Variants in JAKMIP2 observed in about 807,000 individuals in gnomAD.
JAKMIP2 encodes the protein janus kinase and microtubule-interacting protein 2.
In JAKMIP2, 25 loss-of-function variants were observed where a neutral mutation model predicts 115.0. The observed-to-expected ratio is 0.22, with a 90% CI of 0.16 to 0.30. The LOEUF (loss-of-function observed/expected upper bound fraction) is 0.30, where lower values mean the gene tolerates loss of function less well. Among genes scored for constraint, JAKMIP2 ranks in the 10% least tolerant of loss-of-function variants. The pLI is 1.00. For missense variants in JAKMIP2, 642 were observed against 957.6 expected (o/e 0.67, Z 4.35); for synonymous variants, 334 against 343.6 (o/e 0.97, Z 0.31).
chr5:147,650,994 G>A (rs147406799), intron 3 of JAKMIP2, among the ~76,000 whole-genome samples: 46 of 152,176 alleles, frequency 3.0e-4, no homozygotes, highest in African/African-American at 1.1e-3. Context: ...TTAGTAGCTG[G>A]TCATTTGTAA....
rs1754883827 is a variant in JAKMIP2, at chr5:147,586,706, CTATAAG to C, written c.*4995_*5000del. The C allele has an allele frequency of 3.3e-5, 5 of 151,792 alleles. No individual in the cohort carries two copies. The highest frequency in any genetic ancestry group is 2.1e-4 in the South Asian group (1 of 4,812). 9.4% of individuals were successfully genotyped at this position (151,792 alleles called of 1,614,324 possible). On this transcript the variant is annotated 3_prime_UTR_variant, in exon 22 of 22. Transcript: ENST00000616793. ...TAATCCTATTTTTGCTACATTGCCC[CTATAAG>C]TATATCTTTAGTAGTTTTTTTCCTC...
intron 16 of JAKMIP2, 135 bp from the exon 17 acceptor site, chr5:147,623,824 C>CT (rs1162333429): frequency 3.7e-6 from 2 of 538,648 alleles, no homozygotes; most frequent in African/African-American, 2.0e-5. Flanking sequence ...AAAACAACAC[C>CT]TTTTTTTGCT....
chr5:147,648,295 G>T (rs77662966), intron 5 of JAKMIP2, 81 bp downstream of exon 5: 3 of 752,186 alleles, frequency 4.0e-6, no homozygotes, highest in Non-Finnish European at 7.1e-6. Flanking sequence ...CTCTATTATG[G>T]TACGTATCTA....
At chr5:147,727,271 T>G (rs1753555000) in intron 1 of JAKMIP2, among the ~76,000 whole-genome samples, 1 of 152,226 alleles carries the variant, frequency 6.6e-6, no homozygotes, top group Non-Finnish European at 1.5e-5. Context: ...CCTGTGAGTT[T>G]ATTTTTGGTA....
chr5:147,641,665 G>T, intron 8 of JAKMIP2, 43 bp downstream of exon 8: 1 of 1,379,104 alleles, frequency 7.3e-7, no homozygotes, highest in South Asian at 1.2e-5. Flanking sequence ...TCATCTCTCT[G>T]GCTGTTTGTG....
At chr5:147,675,122 T>C (rs555443163) in intron 1 of JAKMIP2, among the ~76,000 whole-genome samples, 15 of 152,334 alleles carry the variant, frequency 9.8e-5, no homozygotes, top group South Asian at 8.3e-4. Context: ...ATACAATAGA[T>C]ACATTTTACA....
intron 20 of JAKMIP2, among the ~76,000 whole-genome samples, chr5:147,606,677 T>C (rs1037043311): frequency 2.0e-5 from 3 of 152,192 alleles, no homozygotes; most frequent in African/African-American, 7.2e-5. Flanking sequence ...TCATCTTTGG[T>C]TCCATATGAA....
chr5:147,663,402 C>T (rs7703708), intron 2 of JAKMIP2, among the ~76,000 whole-genome samples: 14,521 of 152,094 alleles, frequency 0.095, 1,095 homozygotes, highest in East Asian at 0.34. Context: ...CTCACTTAGC[C>T]TCTCAGCCTA....
At chr5:147,654,163 C>G (rs1758550622) in intron 3 of JAKMIP2, among the ~76,000 whole-genome samples, 1 of 150,058 alleles carries the variant, frequency 6.7e-6, no homozygotes, top group East Asian at 1.9e-4. Flanking sequence ...CAGCTCTGCT[C>G]TTTTTGCTTA....
chr5:147,762,211 T>C (rs1412071121), intron 1 of JAKMIP2, among the ~76,000 whole-genome samples: 1 of 152,170 alleles, frequency 6.6e-6, no homozygotes. Context: ...GTATATTTTT[T>C]AGTTACCTCC....
At chr5:147,637,102 T>A (rs1175335306) in intron 10 of JAKMIP2, 54 bp from the exon 11 acceptor site, 8 of 852,774 alleles carry the variant, frequency 9.4e-6, no homozygotes, top group African/African-American at 1.7e-5. Flanking sequence ...TTCAATACCT[T>A]TCTTGACTAG....
At chr5:147,625,640 T>C (rs912545863) in intron 16 of JAKMIP2, among the ~76,000 whole-genome samples, 22 of 152,208 alleles carry the variant, frequency 1.4e-4, no homozygotes, top group African/African-American at 4.8e-4. Context: ...AGTCATTATA[T>C]CATGAGCATT....
At chr5:147,638,849 G>A (rs1218137113) in intron 10 of JAKMIP2, among the ~76,000 whole-genome samples, 2 of 151,894 alleles carry the variant, frequency 1.3e-5, no homozygotes, top group South Asian at 4.2e-4. Flanking sequence ...CTTCTACTAA[G>A]CTATTATTTC....
At chr5:147,681,277 A>C (rs1273749503) in intron 1 of JAKMIP2, among the ~76,000 whole-genome samples, 1 of 152,192 alleles carries the variant, frequency 6.6e-6, no homozygotes, top group Non-Finnish European at 1.5e-5. Flanking sequence ...AGTAATGTCT[A>C]AGTTGAGATC....
intron 20 of JAKMIP2, among the ~76,000 whole-genome samples, chr5:147,611,588 G>T (rs959129444): frequency 2.0e-5 from 3 of 152,172 alleles, no homozygotes; most frequent in Admixed American, 1.3e-4. Context: ...TGCCTTCTGT[G>T]TTGGTCTGGC....
intron 1 of JAKMIP2, among the ~76,000 whole-genome samples, chr5:147,696,219 T>G (rs1752101189): frequency 6.6e-6 from 1 of 152,132 alleles, no homozygotes; most frequent in African/African-American, 2.4e-5. Flanking sequence ...CTGATATGGT[T>G]TGGCTGTGTC....
intron 1 of JAKMIP2, among the ~76,000 whole-genome samples, chr5:147,688,028 T>C (rs890206066): frequency 8.5e-5 from 13 of 152,330 alleles, no homozygotes; most frequent in African/African-American, 2.9e-4. Context: ...AAAACATTTG[T>C]TTTAACCGCT....
rs987147293 is a variant in JAKMIP2 at position 147,586,372 on chromosome 5, T to C, written c.*5335A>G. The C allele has an allele frequency of 3.9e-5, 6 of 152,152 alleles. No homozygotes were observed. Among genetic ancestry groups the C allele is most frequent in the African/African-American group, 1.4e-4 (6 of 41,430 alleles). The allele number at this position is 152,152 out of a possible 1,614,324, so 9.4% of individuals were successfully genotyped here. On this transcript the variant is annotated 3_prime_UTR_variant, in exon 22 of 22. Transcript: ENST00000616793. ...GTGGGAAGTTGCTATGGTTAATGGC[T>C]GGTATAGGCACAGTCTGTGAGATGT...
At chr5:147,640,971 G>T in intron 8 of JAKMIP2, 148 bp from the exon 9 acceptor site, 2 of 600,304 alleles carry the variant, frequency 3.3e-6, no homozygotes. Flanking sequence ...CATTAGGCAT[G>T]AGCATAATTC....
Sources: allele counts gnomAD v4.1 joint callset (sites outside exome capture counted in the v4.1 genomes callset), GRCh38; gene constraint gnomAD v4.1.1; transcripts MANE v1.5; gene names NCBI Gene and HGNC (gene_info 2026-07-23, HGNC 2026-07-21).